Variants in CDYL observed in about 807,000 individuals in gnomAD.
CDYL encodes chromodomain Y-like protein.
In CDYL, 8 loss-of-function variants were observed where a neutral mutation model predicts 47.3. The ratio of observed to expected loss-of-function variants is 0.17; its 90% confidence interval spans 0.10 to 0.31. CDYL has a LOEUF of 0.31. Ranked by LOEUF, CDYL falls within the 10% of genes least tolerant of loss-of-function variation. The pLI, the probability that CDYL is intolerant of heterozygous loss-of-function variation, is 1.00. For synonymous variants in CDYL, 266 were observed against 265.0 expected, an observed-to-expected ratio of 1.00 and a Z score of -0.04; for missense variants, 471 against 701.4, an observed-to-expected ratio of 0.67 and a Z score of 3.71.
At chr6:4,714,033 A>G (rs569633330) in intron 1 of CDYL, 5 of 152,298 alleles carry the variant, frequency 3.3e-5, no homozygotes, top group Admixed American at 2.6e-4. Flanking sequence ...TGTAGATGTG[A>G]TATCATCTCA....
chr6:4,852,431 C>CCTTCCTTCCTTCCAAT (rs1760865719), intron 1 of CDYL, among the ~76,000 whole-genome samples: 1 of 113,822 alleles, frequency 8.8e-6, no homozygotes, highest in African/African-American at 3.6e-5. Context: ...CTTCCTTCCT[C>CCTTCCTTCCTTCCAAT]CTTCCTTCCT....
At chr6:4,911,722 A>T (rs1258353523) in intron 2 of CDYL, among the ~76,000 whole-genome samples, 1 of 152,218 alleles carries the variant, frequency 6.6e-6, no homozygotes, top group Non-Finnish European at 1.5e-5. Context: ...ACTTTAAATA[A>T]CTTCCTAGGT....
chr6:4,805,912 G>A (rs1357360489), intron 1 of CDYL, among the ~76,000 whole-genome samples: 1 of 152,234 alleles, frequency 6.6e-6, no homozygotes, highest in Admixed American at 6.5e-5. Context: ...ACCCATCTGG[G>A]CATCCCTTCA....
chr6:4,787,421 C>T (rs1758783933), intron 1 of CDYL, among the ~76,000 whole-genome samples: 1 of 152,174 alleles, frequency 6.6e-6, no homozygotes, highest in Non-Finnish European at 1.5e-5. Context: ...TTGATAGATA[C>T]ATATCTAAAT....
chr6:4,761,602 A>G (rs1019357270), intron 3 of CDYL, among the ~76,000 whole-genome samples: 10 of 151,580 alleles, frequency 6.6e-5, no homozygotes, highest in African/African-American at 2.2e-4. Flanking sequence ...TCAGCCTCCC[A>G]AAGTGCTGGG....
intron 3 of CDYL, among the ~76,000 whole-genome samples, chr6:4,761,282 A>C (rs1445147545): frequency 6.6e-6 from 1 of 152,218 alleles, no homozygotes; most frequent in Non-Finnish European, 1.5e-5. Context: ...AATTTAATAT[A>C]GGAATATAAG....
chr6:4,930,361 AC>A (rs1170480348), intron 2 of CDYL, among the ~76,000 whole-genome samples: 3 of 152,150 alleles, frequency 2.0e-5, no homozygotes, highest in African/African-American at 7.2e-5. Context: ...ATCATGTCTC[AC>A]AAATTACAGC....
intron 5 of CDYL, among the ~76,000 whole-genome samples, chr6:4,945,806 T>C (rs1220632976): frequency 6.6e-6 from 1 of 152,222 alleles, no homozygotes; most frequent in Non-Finnish European, 1.5e-5. Flanking sequence ...GCCACAGGAC[T>C]CTCGGGTCCT....
chr6:4,736,174 C>T (rs1400872989), intron 3 of CDYL, among the ~76,000 whole-genome samples: 2 of 152,144 alleles, frequency 1.3e-5, no homozygotes, highest in African/African-American at 2.4e-5. Context: ...CTGTGTCTGG[C>T]TTCTTTCACT....
intron 2 of CDYL, among the ~76,000 whole-genome samples, chr6:4,934,618 C>A (rs1171624246): frequency 6.6e-6 from 1 of 152,174 alleles, no homozygotes; most frequent in Admixed American, 6.5e-5. Flanking sequence ...CTACATTCAT[C>A]ACCACATTGG....
At chr6:4,899,913 C>T (rs1756968699) in intron 2 of CDYL, among the ~76,000 whole-genome samples, 1 of 152,114 alleles carries the variant, frequency 6.6e-6, no homozygotes, top group Non-Finnish European at 1.5e-5. Flanking sequence ...GGAGTGTTTT[C>T]CTTCTTATTC....
intron 2 of CDYL, chr6:4,724,457 A>C (rs908552385): frequency 6.6e-6 from 1 of 152,562 alleles, no homozygotes; most frequent in African/African-American, 2.4e-5. Flanking sequence ...CTATACCCTG[A>C]AGCAACCTGC....
chr6:4,799,051 A>G (rs893856849), intron 1 of CDYL, among the ~76,000 whole-genome samples: 1 of 152,176 alleles, frequency 6.6e-6, no homozygotes, highest in African/African-American at 2.4e-5. Flanking sequence ...ATTGTCTTAC[A>G]TGAGCATATA....
chr6:4,839,623 A>G (rs572827228), intron 1 of CDYL, among the ~76,000 whole-genome samples: 18 of 152,322 alleles, frequency 1.2e-4, no homozygotes, highest in African/African-American at 3.6e-4. Flanking sequence ...ATCCAGTTTC[A>G]TTCTCCTACA....
At chr6:4,716,907 T>C (rs1464517930) in intron 2 of CDYL, among the ~76,000 whole-genome samples, 1 of 151,958 alleles carries the variant, frequency 6.6e-6, no homozygotes, top group Non-Finnish European at 1.5e-5. Context: ...ACCATACAAG[T>C]AGCATGAAAT....
rs531232710 is a variant in CDYL, at chr6:4,734,932, C to T, written c.186+88C>T. 7 of 1,562,920 alleles carry T rather than the reference C, an allele frequency of 4.5e-6. No individual in the cohort carries two copies. The East Asian group carries it at 6.9e-5, about 15-fold the overall frequency. ...GGAATCGCCCCACACCACACTCTCC[C>T]TTTACATCTGTCCTGTGCTTGGGTC... On this transcript the variant is annotated intron_variant, in intron 3 of 8. Transcript: ENST00000328908.
chr6:4,854,207 C>A (rs1328751723), intron 1 of CDYL, among the ~76,000 whole-genome samples: 1 of 152,192 alleles, frequency 6.6e-6, no homozygotes, highest in East Asian at 1.9e-4. Flanking sequence ...TGCGAGCACA[C>A]CAGTGTCTGG....
intron 1 of CDYL, among the ~76,000 whole-genome samples, chr6:4,793,316 C>G (rs989176833): frequency 3.9e-5 from 6 of 152,106 alleles, no homozygotes; most frequent in Non-Finnish European, 7.4e-5. Context: ...CTAGTGGTGG[C>G]AACAGTCTAG....
At chr6:4,796,201 G>A (rs1251660536) in intron 1 of CDYL, among the ~76,000 whole-genome samples, 5 of 152,102 alleles carry the variant, frequency 3.3e-5, no homozygotes, top group African/African-American at 1.2e-4. Flanking sequence ...ACAAAGTGCT[G>A]GCATTACAGG....
Sources: gnomAD v4.1 joint callset for allele counts (sites outside exome capture counted in the v4.1 genomes callset) on GRCh38, gnomAD v4.1.1 for gene constraint, MANE v1.5 for transcripts, NCBI Gene and HGNC (gene_info 2026-07-23, HGNC 2026-07-21) for gene names.